LYPLA1: variants seen among roughly 807,000 people sequenced by gnomAD.
The protein encoded by LYPLA1 is acyl-protein thioesterase 1.
A neutral mutation model predicts 34.0 loss-of-function variants in LYPLA1; 17 were observed. The ratio of observed to expected loss-of-function variants is 0.50; its 90% confidence interval spans 0.34 to 0.75. LYPLA1 has a LOEUF of 0.75. Ranked by LOEUF, LYPLA1 falls within the 30% of genes least tolerant of loss-of-function variation. The pLI is 0.01. For missense variants in LYPLA1, 203 were observed against 288.8 expected (o/e 0.70, Z 2.15); for synonymous variants, 98 against 100.8 (o/e 0.97, Z 0.17).
intron 2 of LYPLA1, among the ~76,000 whole-genome samples, chr8:54,069,195 A>T (rs965144249): frequency 6.6e-6 from 1 of 152,186 alleles, no homozygotes; most frequent in African/African-American, 2.4e-5. Context: ...TGTTGAGTGA[A>T]TATGGTTAAC....
intron 5 of LYPLA1, among the ~76,000 whole-genome samples, chr8:54,056,081 C>T (rs1806186295): frequency 1.3e-5 from 2 of 152,116 alleles, no homozygotes; most frequent in Non-Finnish European, 1.5e-5. Context: ...ATGGTACTGG[C>T]ATAAAAACAG....
chr8:54,061,883 T>C (rs1433122993), intron 5 of LYPLA1, among the ~76,000 whole-genome samples: 1 of 152,094 alleles, frequency 6.6e-6, no homozygotes, highest in African/African-American at 2.4e-5. Context: ...GAGATGAAGT[T>C]TTGCTCTGGT....
intron 2 of LYPLA1, among the ~76,000 whole-genome samples, chr8:54,084,910 G>C (rs1288676425): frequency 2.6e-5 from 4 of 152,082 alleles, no homozygotes; most frequent in Non-Finnish European, 5.9e-5. Flanking sequence ...ACAGAGAAAA[G>C]CCCAGTACCA....
intron 2 of LYPLA1, among the ~76,000 whole-genome samples, chr8:54,085,372 A>C (rs1384822691): frequency 6.6e-6 from 1 of 152,168 alleles, no homozygotes; most frequent in Admixed American, 6.5e-5. Flanking sequence ...TTGGCCTCCC[A>C]AAGTGCCGAG....
In LYPLA1 at chr8:54,073,601, T is replaced by G. The variant is rs1807662658; in HGVS notation, c.102-7788A>C. On this transcript the variant is annotated intron_variant, in intron 2 of 8. Coordinates refer to ENST00000316963, the MANE Select transcript of LYPLA1 (RefSeq NM_006330.4). ...CTGACCTATTTACAGAAGTATAATT[T>G]TAGATATCATGCAAATTTCATGACC... 5.6e-6 allele frequency: 3 copies of G among 533,828 alleles called. No individual in the cohort carries two copies. The South Asian group carries it at 6.9e-5, about 12-fold the overall frequency. 33.1% of individuals were successfully genotyped at this position (533,828 alleles called of 1,614,324 possible).
At chr8:54,050,167 T>C (rs1458298253) in intron 8 of LYPLA1, among the ~76,000 whole-genome samples, 1 of 152,250 alleles carries the variant, frequency 6.6e-6, no homozygotes, top group African/African-American at 2.4e-5. Flanking sequence ...ATTTCCAATA[T>C]CCTATTTTGA....
intron 2 of LYPLA1, among the ~76,000 whole-genome samples, chr8:54,092,140 G>A (rs1809329619): frequency 6.6e-6 from 1 of 151,306 alleles, no homozygotes; most frequent in South Asian, 2.1e-4. Context: ...CAGAGGAGAT[G>A]GAAGAGGCAG....
intron 2 of LYPLA1, among the ~76,000 whole-genome samples, chr8:54,088,335 A>G (rs150803620): frequency 6.6e-6 from 1 of 152,330 alleles, no homozygotes; most frequent in East Asian, 1.9e-4. Context: ...CCTCTATTTT[A>G]CTTTTTTCAA....
At chr8:54,065,910 T>C (rs1270490846) in intron 2 of LYPLA1, 97 bp from the exon 3 acceptor site, 5 of 786,482 alleles carry the variant, frequency 6.4e-6, no homozygotes, top group Non-Finnish European at 1.1e-5. Flanking sequence ...TGAAGATAAA[T>C]GTTAAATCCT....
At chr8:54,080,106 C>T (rs920660444) in intron 2 of LYPLA1, among the ~76,000 whole-genome samples, 4 of 152,084 alleles carry the variant, frequency 2.6e-5, no homozygotes, top group African/African-American at 9.7e-5. Context: ...AATCTTCAGG[C>T]TGGGCGTGGT....
rs192311453 is a variant in LYPLA1 at position 54,046,778 on chromosome 8, T to C, written c.*1287A>G. Reference sequence around the variant, plus strand: ...TAATCTGTATGGTAACTACACTTTATGGTATAGGGTTCTGACTAGCCTTTA... The same window carrying C: ...TAATCTGTATGGTAACTACACTTTACGGTATAGGGTTCTGACTAGCCTTTA... On this transcript the variant is annotated 3_prime_UTR_variant, in exon 9 of 9. Transcript: ENST00000316963. 6.6e-6 allele frequency: 1 copy of C among 152,292 alleles called. No homozygotes were observed. Among genetic ancestry groups the C allele is most frequent in the Admixed American group, 6.5e-5 (1 of 15,292 alleles). The allele number at this position is 152,292 out of a possible 1,614,324, so 9.4% of individuals were successfully genotyped here.
At chr8:54,101,448 C>T (rs1810142895) in intron 1 of LYPLA1, 2 of 1,094,214 alleles carry the variant, frequency 1.8e-6, no homozygotes, top group African/African-American at 1.7e-5. Context: ...CCCTCACCCA[C>T]ACACCAGGCA....
chr8:54,066,930 G>A (rs959317295), intron 2 of LYPLA1, among the ~76,000 whole-genome samples: 4 of 152,128 alleles, frequency 2.6e-5, no homozygotes, highest in Non-Finnish European at 5.9e-5. Context: ...AGCACTTTGG[G>A]AGACTGAAGC....
intron 2 of LYPLA1, among the ~76,000 whole-genome samples, chr8:54,085,752 C>T (rs1470420997): frequency 5.0e-5 from 7 of 140,222 alleles, no homozygotes; most frequent in Non-Finnish European, 9.3e-5. Flanking sequence ...CCAGCCGCCC[C>T]GTCAGTTAGG....
chr8:54,071,866 C>T (rs965424815), intron 2 of LYPLA1, among the ~76,000 whole-genome samples: 1 of 151,986 alleles, frequency 6.6e-6, no homozygotes, highest in Non-Finnish European at 1.5e-5. Context: ...ACATTCTTCA[C>T]GGAATTAGGA....
At chr8:54,043,045 A>G (rs942698968), downstream of LYPLA1, 1 of 152,142 alleles carries the variant, frequency 6.6e-6, no homozygotes, top group Non-Finnish European at 1.5e-5. Flanking sequence ...TTTGGGTTGT[A>G]TCAAACATTG....
chr8:54,084,199 A>C (rs1287404021), intron 2 of LYPLA1, among the ~76,000 whole-genome samples: 1 of 147,336 alleles, frequency 6.8e-6, no homozygotes, highest in Admixed American at 6.7e-5. Context: ...CTAATCTTTT[A>C]CCTGAAAAAA....
chr8:54,054,764 T>C, intron 6 of LYPLA1: 2 of 251,904 alleles, frequency 7.9e-6, no homozygotes, highest in East Asian at 8.9e-5. Context: ...TTACTGTTCC[T>C]ATCAGTAGTC....
chr8:54,065,936 T>G lies in LYPLA1; in HGVS notation c.102-123A>C, dbSNP rs569165023. The G allele has an allele frequency of 3.0e-4, 207 of 694,032 alleles. 1 individual carries two copies. The highest frequency in any genetic ancestry group is 2.3e-3 in the Middle Eastern group (9 of 3,990). The allele number at this position is 694,032 out of a possible 1,614,324, so 43.0% of individuals were successfully genotyped here. ...GTTAAATCCTAAAAATATGGTTTTT[T>G]TTTGTTTGTTTGTTTTTTGAGATGG... is the stretch of plus-strand genomic sequence containing the variant. On this transcript the variant is annotated intron_variant, in intron 2 of 8. Coordinates refer to ENST00000316963, the MANE Select transcript of LYPLA1 (RefSeq NM_006330.4).
Sources: allele counts gnomAD v4.1 joint callset (sites outside exome capture counted in the v4.1 genomes callset), GRCh38; gene constraint gnomAD v4.1.1; transcripts MANE v1.5; gene names NCBI Gene and HGNC (gene_info 2026-07-23, HGNC 2026-07-21).